MARCHF1: variants seen among roughly 807,000 people sequenced by gnomAD.
MARCHF1 encodes the protein membrane associated ring-CH-type finger 1.
In MARCHF1, 40 loss-of-function variants were observed where a neutral mutation model predicts 54.2. The ratio of observed to expected loss-of-function variants is 0.74; its 90% CI spans 0.57 to 0.96. The LOEUF (loss-of-function observed/expected upper bound fraction) is 0.96, where lower values mean the gene tolerates loss of function less well. MARCHF1 is among the 40% of genes least tolerant of loss of function. The pLI is 0.00. For synonymous variants in MARCHF1, 236 were observed against 236.3 expected (o/e 1.00, Z 0.01); for missense variants, 586 against 656.5 (o/e 0.89, Z 1.17).
At chr4:163,840,978 A>T (rs77368276) in intron 4 of MARCHF1, among the ~76,000 whole-genome samples, 857 of 6,784 alleles carry the variant, frequency 0.13, 9 homozygotes, top group African/African-American at 0.19. Flanking sequence ...GCAATTTTTT[A>T]AAAAAAATCT....
intron 4 of MARCHF1, among the ~76,000 whole-genome samples, chr4:163,840,627 C>T (rs1205296770): frequency 6.6e-6 from 1 of 151,954 alleles, no homozygotes; most frequent in Non-Finnish European, 1.5e-5. Flanking sequence ...AATGGTGGTT[C>T]CCAGGGGCTG....
At chr4:164,125,796 T>A (rs1756167094) in intron 1 of MARCHF1, among the ~76,000 whole-genome samples, 1 of 152,186 alleles carries the variant, frequency 6.6e-6, no homozygotes, top group African/African-American at 2.4e-5. Flanking sequence ...GGGCATTAGA[T>A]TCTTATAGGA....
intron 4 of MARCHF1, among the ~76,000 whole-genome samples, chr4:163,791,442 C>T (rs1720315526): frequency 6.6e-6 from 1 of 152,038 alleles, no homozygotes; most frequent in Admixed American, 6.6e-5. Context: ...GTTTTGTGCT[C>T]TGCATATTAT....
At chr4:164,225,512 T>C (rs1475162079) in intron 1 of MARCHF1, among the ~76,000 whole-genome samples, 2 of 152,018 alleles carry the variant, frequency 1.3e-5, no homozygotes, top group East Asian at 3.9e-4. Flanking sequence ...AAATGCACTG[T>C]AATAATTTTG....
At chr4:163,976,830 G>A (rs2110854756) in intron 3 of MARCHF1, among the ~76,000 whole-genome samples, 1 of 152,232 alleles carries the variant, frequency 6.6e-6, no homozygotes, top group African/African-American at 2.4e-5. Context: ...AGTCAATGAG[G>A]TTTCAGATTT....
At chr4:163,983,720 T>C (rs1752805927) in intron 3 of MARCHF1, among the ~76,000 whole-genome samples, 1 of 152,178 alleles carries the variant, frequency 6.6e-6, no homozygotes, top group Admixed American at 6.5e-5. Context: ...CTCTTTATTC[T>C]CTATGGACTT....
intron 1 of MARCHF1, among the ~76,000 whole-genome samples, chr4:164,114,642 G>T (rs183878735): frequency 6.6e-6 from 1 of 151,378 alleles, no homozygotes; most frequent in African/African-American, 2.4e-5. Flanking sequence ...TACAATAAAT[G>T]CAATAAGATT....
At chr4:163,648,232 A>C (rs1307754310) in intron 5 of MARCHF1, among the ~76,000 whole-genome samples, 1 of 152,010 alleles carries the variant, frequency 6.6e-6, no homozygotes, top group Non-Finnish European at 1.5e-5. Context: ...AACTGTAAAG[A>C]AAAATTATTT....
At chr4:163,667,838 G>A (rs1428773157) in intron 5 of MARCHF1, among the ~76,000 whole-genome samples, 1 of 152,040 alleles carries the variant, frequency 6.6e-6, no homozygotes, top group Non-Finnish European at 1.5e-5. Flanking sequence ...TGTTGCCCAA[G>A]CTGGTCTTGA....
chr4:164,127,907 GA>G (rs1756219382), intron 1 of MARCHF1, among the ~76,000 whole-genome samples: 1 of 151,060 alleles, frequency 6.6e-6, no homozygotes, highest in Non-Finnish European at 1.5e-5. Flanking sequence ...AGCACCTCCT[GA>G]AAAAGAAAAA....
intron 1 of MARCHF1, among the ~76,000 whole-genome samples, chr4:164,357,837 C>T (rs760851277): frequency 7.2e-5 from 11 of 152,038 alleles, no homozygotes; most frequent in Non-Finnish European, 1.3e-4. Flanking sequence ...TCAGTCTGTA[C>T]AAAATAGATT....
In MARCHF1 at chr4:164,155,791, C is replaced by T. The variant is rs1319272939; in HGVS notation, c.-322-44129G>A. 2.0e-5 allele frequency among the ~76,000 whole-genome samples: 3 copies of T among 152,060 alleles called. No homozygotes were observed. In the East Asian group the frequency reaches 5.8e-4, roughly 29 times the overall value. ...AATGTATTCATGTAACAAAACTGAA[C>T]TTGTACCCCTTAAATTGATGCAATA... On this transcript the variant is annotated intron_variant, in intron 1 of 9. Transcript: ENST00000514618.
At chr4:164,339,939 C>T (rs1023375450) in intron 1 of MARCHF1, among the ~76,000 whole-genome samples, 1 of 151,974 alleles carries the variant, frequency 6.6e-6, no homozygotes, top group Non-Finnish European at 1.5e-5. Flanking sequence ...CAATAACATG[C>T]CAACAAATTG....
At chr4:164,288,417 GA>G (rs1734204007) in intron 1 of MARCHF1, among the ~76,000 whole-genome samples, 1 of 152,038 alleles carries the variant, frequency 6.6e-6, no homozygotes, top group African/African-American at 2.4e-5. Flanking sequence ...ATAGACACAT[GA>G]ATTGCAAAGA....
chr4:163,669,791 G>T (rs934987453), intron 5 of MARCHF1, among the ~76,000 whole-genome samples: 1 of 151,980 alleles, frequency 6.6e-6, no homozygotes, highest in Non-Finnish European at 1.5e-5. Context: ...TAGAGACAGG[G>T]TTTCACCATG....
intron 5 of MARCHF1, among the ~76,000 whole-genome samples, chr4:163,669,434 C>T (rs1211668230): frequency 1.3e-5 from 2 of 152,122 alleles, no homozygotes; most frequent in Non-Finnish European, 1.5e-5. Context: ...TTCCTGCTAA[C>T]ACTTAATCCT....
intron 2 of MARCHF1, among the ~76,000 whole-genome samples, chr4:164,042,632 G>T (rs908082482): frequency 1.6e-4 from 25 of 152,184 alleles, no homozygotes; most frequent in African/African-American, 5.5e-4. Context: ...AAAATCTCTT[G>T]TCCTCCTCAC....
intron 1 of MARCHF1, among the ~76,000 whole-genome samples, chr4:164,317,321 A>C (rs1735025667): frequency 6.6e-6 from 1 of 152,098 alleles, no homozygotes; most frequent in African/African-American, 2.4e-5. Flanking sequence ...AACAAGACAG[A>C]AGTTTAATTC....
chr4:163,656,982 T>A (rs1442044108), intron 5 of MARCHF1, among the ~76,000 whole-genome samples: 1 of 152,058 alleles, frequency 6.6e-6, no homozygotes, highest in Non-Finnish European at 1.5e-5. Context: ...AGCATTCCAT[T>A]TGAAAATTGG....
Sources: allele counts gnomAD v4.1 joint callset (sites outside exome capture counted in the v4.1 genomes callset), GRCh38; gene constraint gnomAD v4.1.1; transcripts MANE v1.5; gene names NCBI Gene and HGNC (gene_info 2026-07-23, HGNC 2026-07-21).